INPP4A: variants seen among roughly 807,000 people sequenced by gnomAD.
INPP4A encodes the protein inositol polyphosphate-4-phosphatase, type I, 107kD.
A neutral mutation model predicts 119.8 loss-of-function variants in INPP4A; 33 were observed. The observed-to-expected ratio is 0.28, with a 90% CI of 0.21 to 0.37. The LOEUF (loss-of-function observed/expected upper bound fraction) is 0.37. Among genes scored for constraint, INPP4A ranks in the 10% least tolerant of loss-of-function variants. The pLI is 1.00. For missense variants in INPP4A, 956 were observed against 1,289.9 expected (o/e 0.74, Z 3.97); for synonymous variants, 496 against 500.7 (o/e 0.99, Z 0.12).
At chr2:98,520,422 A>G (rs1185390582) in intron 3 of INPP4A, among the ~76,000 whole-genome samples, 1 of 152,168 alleles carries the variant, frequency 6.6e-6, no homozygotes, top group African/African-American at 2.4e-5. Flanking sequence ...GGGAATGTCC[A>G]AGTGTTTTGC....
chr2:98,575,817 G>A (rs1176137422), intron 23 of INPP4A, among the ~76,000 whole-genome samples: 1 of 152,186 alleles, frequency 6.6e-6, no homozygotes, highest in Non-Finnish European at 1.5e-5. Flanking sequence ...CTTGGATGAT[G>A]TTTCATTAAA....
chr2:98,581,168 C>T (rs142759631), intron 24 of INPP4A, among the ~76,000 whole-genome samples: 3 of 152,322 alleles, frequency 2.0e-5, no homozygotes, highest in Non-Finnish European at 2.9e-5. Flanking sequence ...CTTCATGTTC[C>T]GCTTGCTTCT....
At position 98,546,741 on chromosome 2, in the gene INPP4A, C is replaced by A; in HGVS notation, c.1163+47C>A. On this transcript the variant is annotated intron_variant, in intron 13 of 24. Transcript: ENST00000409851. This position sits in a 1 kb window ranked among gnomAD's most constrained non-coding sequence, Gnocchi z 4.2. The stretch of plus-strand genomic sequence containing the variant: ...GTGGTCCTTGTACAGCTTTCTGATG[C>A]TTCTTTTCTCAGTTTAAAATAAAAT... The A allele has an allele frequency of 1.8e-6, 2 of 1,128,836 alleles. No homozygotes were observed. Among genetic ancestry groups the A allele is most frequent in the Non-Finnish European group, 2.7e-6 (2 of 746,258 alleles). 69.9% of individuals were successfully genotyped at this position (1,128,836 alleles called of 1,614,324 possible).
Position 98,566,370 on chromosome 2 carries a change from T to C in INPP4A, c.2420+201T>C, listed in dbSNP as rs570714887. ...AGTGACCCAGAGGTGGTCTCTGTCCTCAGGGACTCAGCTGGTGGGAGAGAG... is the reference window on the plus strand; with the variant it reads ...AGTGACCCAGAGGTGGTCTCTGTCCCCAGGGACTCAGCTGGTGGGAGAGAG... On this transcript the variant is annotated intron_variant, in intron 21 of 24. Coordinates refer to ENST00000409851, the MANE Select transcript of INPP4A (RefSeq NM_001134225.2). This position sits in a 1 kb window ranked among gnomAD's most constrained non-coding sequence, Gnocchi z 4.2. Among the ~76,000 whole-genome samples the C allele has an allele frequency of 7.2e-5, 11 of 152,268 alleles. No individual in the cohort carries two copies. The highest frequency in any genetic ancestry group is 2.4e-4 in the African/African-American group (10 of 41,542).
intron 1 of INPP4A, among the ~76,000 whole-genome samples, chr2:98,481,790 C>T (rs1344081431): frequency 6.6e-6 from 1 of 152,224 alleles, no homozygotes; most frequent in Non-Finnish European, 1.5e-5. Flanking sequence ...CTCAGCTGGC[C>T]TTGAGTGTCA....
At chr2:98,555,109 CGT>C (rs1694204986) in intron 15 of INPP4A, among the ~76,000 whole-genome samples, 2 of 152,336 alleles carry the variant, frequency 1.3e-5, no homozygotes, top group Admixed American at 1.3e-4. Flanking sequence ...ATACACTGTG[CGT>C]GTTTCTGCAA....
intron 1 of INPP4A, among the ~76,000 whole-genome samples, chr2:98,513,789 C>T (rs147109389): frequency 6.6e-6 from 1 of 152,358 alleles, no homozygotes; most frequent in East Asian, 1.9e-4. Flanking sequence ...CCCTCCCTGT[C>T]ACCGCAGCCA....
chr2:98,514,831 A>G (rs1363658913), intron 1 of INPP4A, among the ~76,000 whole-genome samples: 2 of 152,088 alleles, frequency 1.3e-5, no homozygotes, highest in South Asian at 2.1e-4. Flanking sequence ...AGATGGGTGG[A>G]TGGCTTGAGC....
intron 1 of INPP4A, among the ~76,000 whole-genome samples, chr2:98,473,079 G>T (rs975238396): frequency 1.2e-4 from 16 of 135,688 alleles, no homozygotes; most frequent in East Asian, 2.3e-4. Flanking sequence ...GGGTGCAGTG[G>T]AGAGTGAGGA....
At chr2:98,464,834 G>A (rs1406521962) in intron 1 of INPP4A, among the ~76,000 whole-genome samples, 1 of 152,344 alleles carries the variant, frequency 6.6e-6, no homozygotes, top group South Asian at 2.1e-4. Context: ...GTGACAAGCC[G>A]AGAGTCCTTG....
At chr2:98,517,671 T>TA (rs1686405311) in intron 1 of INPP4A, among the ~76,000 whole-genome samples, 1 of 152,244 alleles carries the variant, frequency 6.6e-6, no homozygotes, top group Non-Finnish European at 1.5e-5. Flanking sequence ...TAGTGTGTCT[T>TA]ATGGATGTTC....
At chr2:98,505,522 A>T (rs895641287) in intron 1 of INPP4A, among the ~76,000 whole-genome samples, 4 of 152,252 alleles carry the variant, frequency 2.6e-5, no homozygotes, top group African/African-American at 9.6e-5. Context: ...TGTGAGGTGT[A>T]TGTCACCAGA....
At chr2:98,537,590 C>G (rs868251038) in intron 7 of INPP4A, among the ~76,000 whole-genome samples, 10 of 152,306 alleles carry the variant, frequency 6.6e-5, no homozygotes, top group Middle Eastern at 3.4e-3. Context: ...TTGGCTCCTC[C>G]TCAGGGAGGC....
At chr2:98,547,124 G>A (rs924240113) in intron 13 of INPP4A, among the ~76,000 whole-genome samples, 1 of 152,224 alleles carries the variant, frequency 6.6e-6, no homozygotes, top group African/African-American at 2.4e-5. Flanking sequence ...CTACTGTCCT[G>A]AGCAGGAAAT....
intron 1 of INPP4A, among the ~76,000 whole-genome samples, chr2:98,494,273 A>G (rs1396712615): frequency 6.6e-6 from 1 of 152,160 alleles, no homozygotes; most frequent in Non-Finnish European, 1.5e-5. Flanking sequence ...ATTCCAGGAG[A>G]ATGTGGCTAG....
intron 1 of INPP4A, among the ~76,000 whole-genome samples, chr2:98,485,130 C>T (rs1316654143): frequency 1.3e-5 from 2 of 152,182 alleles, no homozygotes; most frequent in Non-Finnish European, 2.9e-5. Context: ...ATGAGTGTGA[C>T]CTCAGCTTTT....
chr2:98,559,466 G>T lies in INPP4A; in HGVS notation c.1826G>T (p.Cys609Phe), dbSNP rs1695068545. The change falls in exon 17 of 25, where the codon TGC (cysteine) becomes TTC (phenylalanine). Residue 609 changes from cysteine (C) to phenylalanine (F), a missense_variant. Physicochemically the swap from Cys to Phe is radical, Grantham distance 205 (BLOSUM62 -2). Around this residue, in one of 2 missense-constraint regions of INPP4A, gnomAD observed 652 missense variants for 797.9 expected, o/e 0.82. Transcript: ENST00000409851. ...GTCGCCCTCCATTTCTGTGCAGATT[G>T]CAGTCCCCCTCCTGAAGAGTCCAGC... is the stretch of plus-strand genomic sequence containing the variant. The part of the protein sequence containing the change: ...TACHPHLTTH[C>F]SPPPEESSPG... 6.2e-7 allele frequency: 1 copy of T among 1,613,882 alleles called. No individual in the cohort carries two copies. The highest frequency in any genetic ancestry group is 1.3e-5 in the African/African-American group (1 of 74,924).
At position 98,590,413 on chromosome 2, in the gene INPP4A, G is replaced by A; in HGVS notation, c.*2805G>A. 1 of 187,796 alleles carries A rather than the reference G, an allele frequency of 5.3e-6. No homozygotes were observed. The highest frequency in any genetic ancestry group is 1.1e-5 in the Non-Finnish European group (1 of 89,102). The allele number at this position is 187,796 out of a possible 1,614,324, so 11.6% of individuals were successfully genotyped here. On this transcript the variant is annotated 3_prime_UTR_variant, in exon 25 of 25. Transcript: ENST00000409851. ...CCAATCCTGGTTCTGCCCCTGACTGGCTGGTGACTCTGAGCAAGTTGCTTG... is the reference window on the plus strand; with the variant it reads ...CCAATCCTGGTTCTGCCCCTGACTGACTGGTGACTCTGAGCAAGTTGCTTG...
At chr2:98,469,858 C>T (rs987200734) in intron 1 of INPP4A, among the ~76,000 whole-genome samples, 3 of 152,128 alleles carry the variant, frequency 2.0e-5, no homozygotes, top group African/African-American at 7.2e-5. Flanking sequence ...AATAGGCCCA[C>T]CTGTTTCAAA....
Sources: allele counts gnomAD v4.1 joint callset (sites outside exome capture counted in the v4.1 genomes callset), GRCh38; gene constraint gnomAD v4.1.1; regional missense constraint gnomAD v4.1.1; non-coding constraint Gnocchi (gnomAD v3.1); transcripts MANE v1.5; gene names NCBI Gene and HGNC (gene_info 2026-07-23, HGNC 2026-07-21).